The following PHIP variants were observed in gnomAD, a reference collection of about 807,000 sequenced individuals.
PHIP encodes PH-interacting protein.
Under a neutral mutation model 236.8 loss-of-function variants are expected in PHIP, and 54 were observed. That is an observed-to-expected ratio of 0.23 (90% CI 0.18 to 0.29). The LOEUF (loss-of-function observed/expected upper bound fraction) is 0.29. PHIP is among the 10% of genes least tolerant of loss of function. The pLI is 1.00. For missense variants in PHIP, 1,370 were observed against 2,190.8 expected (o/e 0.63, Z 7.48); for synonymous variants, 756 against 718.9 (o/e 1.05, Z -0.83).
intron 15 of PHIP, among the ~76,000 whole-genome samples, chr6:79,005,664 C>T (rs911681238): frequency 6.6e-6 from 1 of 151,848 alleles, no homozygotes; most frequent in Non-Finnish European, 1.5e-5. Context: ...ATAAATGTTT[C>T]CAGAAGTATA....
intron 15 of PHIP, among the ~76,000 whole-genome samples, chr6:79,010,999 T>C (rs148724997): frequency 6.6e-6 from 1 of 151,886 alleles, no homozygotes; most frequent in Non-Finnish European, 1.5e-5. Flanking sequence ...TCAGCTTCAG[T>C]CCTGAGAGTT....
At chr6:78,993,866 C>T (rs911266523) in intron 19 of PHIP, among the ~76,000 whole-genome samples, 2 of 152,134 alleles carry the variant, frequency 1.3e-5, no homozygotes, top group Admixed American at 1.3e-4. Flanking sequence ...TAAGAAATTG[C>T]ATTTCATAAG....
At chr6:79,065,289 G>A (rs1376791116) in intron 4 of PHIP, among the ~76,000 whole-genome samples, 1 of 152,090 alleles carries the variant, frequency 6.6e-6, no homozygotes, top group African/African-American at 2.4e-5. Context: ...CACTTCTGAT[G>A]CTTTCCTCAC....
chr6:79,002,225 G>A (rs894558458), intron 16 of PHIP, 101 bp from the exon 17 acceptor site: 5 of 700,472 alleles, frequency 7.1e-6, no homozygotes, highest in East Asian at 2.7e-5. Context: ...ACCTGAATAC[G>A]AATAATGGTA....
chr6:79,059,332 A>G (rs1473255816), intron 6 of PHIP, among the ~76,000 whole-genome samples: 1 of 151,878 alleles, frequency 6.6e-6, no homozygotes, highest in Non-Finnish European at 1.5e-5. Context: ...CAAATTTTTA[A>G]AAAATTAACA....
At chr6:79,069,763 TTTATAA>T (rs1343563614) in intron 4 of PHIP, among the ~76,000 whole-genome samples, 1 of 151,962 alleles carries the variant, frequency 6.6e-6, no homozygotes, top group African/African-American at 2.4e-5. Flanking sequence ...CTATTATTTC[TTTATAA>T]TTATAATAAA....
intron 7 of PHIP, among the ~76,000 whole-genome samples, chr6:79,040,488 A>G (rs907251911): frequency 4.6e-5 from 7 of 152,168 alleles, no homozygotes; most frequent in African/African-American, 1.7e-4. Context: ...CCATTACCAA[A>G]TTGTTACCTC....
At chr6:79,054,458 A>T (rs1314504104) in intron 6 of PHIP, among the ~76,000 whole-genome samples, 3 of 151,652 alleles carry the variant, frequency 2.0e-5, no homozygotes, top group Non-Finnish European at 4.4e-5. Context: ...TAAAATAAAT[A>T]TATTTAAATA....
At chr6:79,066,686 CTT>C (rs1049901768) in intron 4 of PHIP, among the ~76,000 whole-genome samples, 22 of 152,120 alleles carry the variant, frequency 1.4e-4, no homozygotes, top group African/African-American at 5.3e-4. Context: ...AAAGGGAACA[CTT>C]TAAAAAATTC....
intron 15 of PHIP, among the ~76,000 whole-genome samples, chr6:79,011,935 G>A (rs1041247592): frequency 6.6e-5 from 10 of 151,340 alleles, no homozygotes; most frequent in African/African-American, 1.9e-4. Flanking sequence ...GACTATCAGT[G>A]CAATATTAAA....
At chr6:79,005,069 C>A (rs979766451) in intron 15 of PHIP, among the ~76,000 whole-genome samples, 2 of 151,966 alleles carry the variant, frequency 1.3e-5, no homozygotes, top group Non-Finnish European at 2.9e-5. Flanking sequence ...TATTAATGCT[C>A]TTTTGGATGG....
At chr6:79,053,881 T>A (rs894973114) in intron 6 of PHIP, among the ~76,000 whole-genome samples, 1 of 152,098 alleles carries the variant, frequency 6.6e-6, no homozygotes, top group Non-Finnish European at 1.5e-5. Flanking sequence ...ATATCCCTCA[T>A]CACATCTATA....
At chr6:78,959,174 A>G (rs1766606365) in intron 31 of PHIP, among the ~76,000 whole-genome samples, 1 of 152,156 alleles carries the variant, frequency 6.6e-6, no homozygotes, top group Non-Finnish European at 1.5e-5. Flanking sequence ...TAAAATCTGG[A>G]GTTTTACAAT....
At position 78,982,969 on chromosome 6, in the gene PHIP, T is replaced by C; in HGVS notation, c.2686A>G (p.Lys896Glu). 6.2e-7 allele frequency: 1 copy of C among 1,606,672 alleles called. No individual in the cohort carries two copies. The highest frequency in any genetic ancestry group is 1.1e-5 in the South Asian group (1 of 89,408). ...TCATTTACTTTTTTCTTTTCCTTTT[T>C]AATCTGTTTTTGCTTCTGTTTTTCA... ...ESEKQKQKQI[K>E]KEKKKVNEEK... Residue 896 changes from lysine to glutamate, a missense_variant, in exon 23 of 40, where the codon AAA (lysine) becomes GAA (glutamate). Transcript: ENST00000275034.
At chr6:78,948,822 C>T (rs573413381) in intron 35 of PHIP, among the ~76,000 whole-genome samples, 5 of 152,180 alleles carry the variant, frequency 3.3e-5, no homozygotes, top group East Asian at 3.9e-4. Context: ...CCTCAGTATG[C>T]GACTATATTT....
intron 6 of PHIP, among the ~76,000 whole-genome samples, chr6:79,049,274 C>G (rs1772668247): frequency 6.6e-6 from 1 of 151,988 alleles, no homozygotes; most frequent in African/African-American, 2.4e-5. Flanking sequence ...GTTGGTCAGG[C>G]TGGTCTCGAA....
At chr6:78,946,504 G>A in intron 37 of PHIP, 1 of 1,393,110 alleles carries the variant, frequency 7.2e-7, no homozygotes, top group Non-Finnish European at 9.3e-7. Context: ...CTGTTTTACT[G>A]TATAGATTTA....
intron 7 of PHIP, among the ~76,000 whole-genome samples, chr6:79,027,414 T>C (rs1582246140): frequency 2.0e-5 from 3 of 152,258 alleles, no homozygotes; most frequent in African/African-American, 2.4e-5. Context: ...TCTTATCACA[T>C]ACCCTTAACC....
chr6:79,064,464 A>G (rs1773525982), intron 4 of PHIP, among the ~76,000 whole-genome samples: 1 of 152,122 alleles, frequency 6.6e-6, no homozygotes, highest in African/African-American at 2.4e-5. Flanking sequence ...TCTACTCCAC[A>G]CTAGCTCCCA....
Sources: allele counts gnomAD v4.1 joint callset (sites outside exome capture counted in the v4.1 genomes callset), GRCh38; gene constraint gnomAD v4.1.1; transcripts MANE v1.5; gene names NCBI Gene and HGNC (gene_info 2026-07-23, HGNC 2026-07-21).